DSCAM: variants seen among roughly 807,000 people sequenced by gnomAD.
DSCAM encodes the protein DS cell adhesion molecule.
In DSCAM, 47 loss-of-function variants were observed where a neutral mutation model predicts 217.7. That is an observed-to-expected ratio of 0.22 (90% CI 0.17 to 0.28). DSCAM has a LOEUF of 0.28. Among genes scored for constraint, DSCAM ranks in the 10% least tolerant of loss-of-function variants. The probability of loss-of-function intolerance (pLI) is 1.00; values close to 1 mark genes in which losing one functional copy is unlikely to be tolerated. For missense variants in DSCAM, 2,080 were observed against 2,618.3 expected, an observed-to-expected ratio of 0.79 and a Z score of 4.49; for synonymous variants, 1,056 against 1,015.3, an observed-to-expected ratio of 1.04 and a Z score of -0.76.
chr21:40,403,286 G>A lies in DSCAM; in HGVS notation c.509-34041C>T, dbSNP rs564433123. Reference sequence around the variant, plus strand: ...TAAAAGAACAATTTTTTAATGTCCAGGTGATTAGTAAATCTTTTTTTTTTT... The same window carrying A: ...TAAAAGAACAATTTTTTAATGTCCAAGTGATTAGTAAATCTTTTTTTTTTT... On this transcript the variant is annotated intron_variant, in intron 3 of 32. Transcript: ENST00000400454. 2.0e-4 allele frequency among the ~76,000 whole-genome samples: 30 copies of A among 152,056 alleles called. 1 individual carries two copies. Among genetic ancestry groups the A allele is most frequent in the African/African-American group, 2.4e-4 (10 of 41,498 alleles).
At chr21:40,370,063 A>G (rs2074878686) in intron 3 of DSCAM, among the ~76,000 whole-genome samples, 2 of 152,220 alleles carry the variant, frequency 1.3e-5, no homozygotes, top group South Asian at 4.1e-4. Context: ...CATTGAGATC[A>G]AATATCAGTG....
chr21:40,743,841 C>T (rs2091148810), intron 1 of DSCAM, among the ~76,000 whole-genome samples: 1 of 152,024 alleles, frequency 6.6e-6, no homozygotes, highest in African/African-American at 2.4e-5. Flanking sequence ...GATCTAAATA[C>T]AATTCTATAA....
intron 3 of DSCAM, among the ~76,000 whole-genome samples, chr21:40,505,110 A>C (rs1381938999): frequency 6.6e-6 from 1 of 152,176 alleles, no homozygotes; most frequent in Non-Finnish European, 1.5e-5. Flanking sequence ...CATTTTTCAC[A>C]GGTAATTGGA....
At chr21:40,513,437 A>C (rs1023779370) in intron 3 of DSCAM, among the ~76,000 whole-genome samples, 1 of 152,214 alleles carries the variant, frequency 6.6e-6, no homozygotes, top group African/African-American at 2.4e-5. Context: ...GATTTGGCTT[A>C]TGGTTCTGTA....
chr21:40,631,529 A>G (rs1249728388), intron 3 of DSCAM, among the ~76,000 whole-genome samples: 1 of 152,196 alleles, frequency 6.6e-6, no homozygotes, highest in Non-Finnish European at 1.5e-5. Context: ...CCTGCAACCC[A>G]ATAAGACTTC....
At chr21:40,061,365 T>TCGAGA (rs2089116828) in intron 28 of DSCAM, among the ~76,000 whole-genome samples, 1 of 151,978 alleles carries the variant, frequency 6.6e-6, no homozygotes. Context: ...GGTCAGGAGT[T>TCGAGA]CGAGACCAGC....
At chr21:40,587,027 T>C (rs192534761) in intron 3 of DSCAM, among the ~76,000 whole-genome samples, 1 of 152,220 alleles carries the variant, frequency 6.6e-6, no homozygotes, top group Admixed American at 6.5e-5. Context: ...ACACAACCTT[T>C]TCAAAAATAA....
At chr21:40,168,193 A>G (rs1045550965) in intron 15 of DSCAM, among the ~76,000 whole-genome samples, 1 of 152,218 alleles carries the variant, frequency 6.6e-6, no homozygotes, top group Non-Finnish European at 1.5e-5. Flanking sequence ...TGAGTGTGCA[A>G]TAAGTCAGTG....
chr21:40,655,077 A>T (rs2090059154), intron 3 of DSCAM, among the ~76,000 whole-genome samples: 1 of 152,076 alleles, frequency 6.6e-6, no homozygotes, highest in Non-Finnish European at 1.5e-5. Flanking sequence ...AGAGAAGGAG[A>T]GAGAAAATGG....
At chr21:40,471,800 T>G (rs1162420345) in intron 3 of DSCAM, among the ~76,000 whole-genome samples, 1 of 152,234 alleles carries the variant, frequency 6.6e-6, no homozygotes, top group East Asian at 1.9e-4. Context: ...ATTTTTATTT[T>G]TATTTTATTA....
chr21:40,092,926 C>T (rs183898867), intron 21 of DSCAM, among the ~76,000 whole-genome samples: 1 of 152,232 alleles, frequency 6.6e-6, no homozygotes, highest in East Asian at 1.9e-4. Flanking sequence ...CATTAAAAAG[C>T]ACATTTTTCA....
chr21:40,588,073 C>T (rs2076959183), intron 3 of DSCAM, among the ~76,000 whole-genome samples: 1 of 152,146 alleles, frequency 6.6e-6, no homozygotes, highest in Non-Finnish European at 1.5e-5. Flanking sequence ...ATCTAAACTG[C>T]AGATGCCTTC....
intron 20 of DSCAM, among the ~76,000 whole-genome samples, chr21:40,121,006 C>T (rs558811772): frequency 6.6e-6 from 1 of 151,974 alleles, no homozygotes; most frequent in Non-Finnish European, 1.5e-5. Context: ...TAAAAGGGAC[C>T]AAATTACAAG....
At chr21:40,186,240 T>G (rs1288485456) in intron 14 of DSCAM, among the ~76,000 whole-genome samples, 1 of 152,184 alleles carries the variant, frequency 6.6e-6, no homozygotes, top group Non-Finnish European at 1.5e-5. Flanking sequence ...CCAGCTGCCT[T>G]GAGCTTGATT....
intron 1 of DSCAM, among the ~76,000 whole-genome samples, chr21:40,800,784 C>T (rs560343300): frequency 1.2e-4 from 18 of 147,996 alleles, no homozygotes; most frequent in Non-Finnish European, 2.1e-4. Flanking sequence ...GGCACAATCT[C>T]GGCTCACTGC....
intron 1 of DSCAM, among the ~76,000 whole-genome samples, chr21:40,841,132 GGAT>G (rs1308773806): frequency 6.6e-6 from 1 of 152,146 alleles, no homozygotes; most frequent in Non-Finnish European, 1.5e-5. Flanking sequence ...TTTAGAAAAA[GGAT>G]AATATGGAGG....
intron 1 of DSCAM, among the ~76,000 whole-genome samples, chr21:40,716,402 A>G (rs2090843226): frequency 1.3e-5 from 2 of 150,884 alleles, no homozygotes; most frequent in Non-Finnish European, 2.9e-5. Flanking sequence ...GTGTGTGTGA[A>G]AGTTCCTAAA....
chr21:40,841,507 G>A (rs572855432), intron 1 of DSCAM, among the ~76,000 whole-genome samples: 1 of 152,334 alleles, frequency 6.6e-6, no homozygotes, highest in Admixed American at 6.5e-5. Flanking sequence ...CCAGGTCTTT[G>A]GAACTTGAAG....
chr21:40,051,101 AT>A (rs1235963594), intron 30 of DSCAM, among the ~76,000 whole-genome samples: 3 of 152,230 alleles, frequency 2.0e-5, no homozygotes, highest in African/African-American at 7.2e-5. Flanking sequence ...TAACATTATA[AT>A]AGTTATTTTT....
Sources: gnomAD v4.1 joint callset for allele counts (sites outside exome capture counted in the v4.1 genomes callset) on GRCh38, gnomAD v4.1.1 for gene constraint, MANE v1.5 for transcripts, NCBI Gene and HGNC (gene_info 2026-07-23, HGNC 2026-07-21) for gene names.